The following ZNF362 variants were observed in gnomAD, a reference collection of about 807,000 sequenced individuals.
ZNF362 encodes rotund homolog.
In ZNF362, 11 loss-of-function variants were observed where a neutral mutation model predicts 42.9. The ratio of observed to expected loss-of-function variants is 0.26; its 90% CI spans 0.16 to 0.42. The LOEUF is 0.42. Among genes scored for constraint, ZNF362 ranks in the 20% least tolerant of loss-of-function variants. The probability of loss-of-function intolerance (pLI) is 1.00; values close to 1 mark genes in which losing one functional copy is unlikely to be tolerated. For missense variants in ZNF362, 362 were observed against 576.2 expected, an observed-to-expected ratio of 0.63 and a Z score of 3.81; for synonymous variants, 255 against 257.3, an observed-to-expected ratio of 0.99 and a Z score of 0.09.
chr1:33,238,381 T>TAAAATAAAAAAATAAAATAAAATAAATA, the ZNF362 span, among the ~76,000 whole-genome samples: 1 of 105,530 alleles, frequency 9.5e-6, no homozygotes, highest in Non-Finnish European at 2.0e-5. Flanking sequence ...TAAAATAAAA[T>TAAAATAAAAAAATAAAATAAAATAAATA]AAATAAAATA....
In ZNF362 at chr1:33,299,081, G is replaced by A. The variant is rs772021792; in HGVS notation, c.*35G>A. The A allele has an allele frequency of 1.1e-5, 17 of 1,556,042 alleles. No individual in the cohort carries two copies. The Admixed American group carries it at 2.7e-4, about 24-fold the overall frequency. ...AGGCGCCGCCCCACCCGGCCCACTG[G>A]CAGACACAGACCCAGGCAGCACCAG... On this transcript the variant is annotated 3_prime_UTR_variant, in exon 9 of 9. Coordinates refer to ENST00000539719, the MANE Select transcript of ZNF362 (RefSeq NM_152493.3).
At chr1:33,158,343 T>A in the ZNF362 span, 2 of 1,613,896 alleles carry the variant, frequency 1.2e-6, no homozygotes, top group South Asian at 2.2e-5. Context: ...TATGTGAGGT[T>A]GGTCTCATGG....
the ZNF362 span, among the ~76,000 whole-genome samples, chr1:33,188,495 A>G: frequency 6.6e-6 from 1 of 152,342 alleles, no homozygotes; most frequent in South Asian, 2.1e-4. Flanking sequence ...TTGTGGACAG[A>G]GAAGGCAAAT....
At chr1:33,259,358 T>TG (rs951605477) in intron 1 of ZNF362, among the ~76,000 whole-genome samples, 3 of 152,076 alleles carry the variant, frequency 2.0e-5, no homozygotes, top group African/African-American at 7.2e-5. Context: ...TCTGCAGTCT[T>TG]GGGGGGTGGA....
At chr1:33,181,045 C>A in the ZNF362 span, 33 of 1,517,984 alleles carry the variant, frequency 2.2e-5, no homozygotes, top group African/African-American at 2.8e-5. This position sits in a 1 kb window ranked among gnomAD's most constrained non-coding sequence, Gnocchi z 6.5. Flanking sequence ...TCGAAGGCGT[C>A]GTCGATGCCG....
At chr1:33,138,738 T>G in the ZNF362 span, among the ~76,000 whole-genome samples, 1 of 152,176 alleles carries the variant, frequency 6.6e-6, no homozygotes, top group African/African-American at 2.4e-5. Context: ...TTCCTTTGTG[T>G]CTTGTGTATT....
chr1:33,254,012 C>T (rs367684723), upstream of ZNF362, among the ~76,000 whole-genome samples: 82 of 152,060 alleles, frequency 5.4e-4, 1 homozygote, highest in African/African-American at 1.7e-3. Context: ...CTATTTGTTA[C>T]GATTTGTTAT....
At chr1:33,150,210 T>C in the ZNF362 span, among the ~76,000 whole-genome samples, 1 of 152,222 alleles carries the variant, frequency 6.6e-6, no homozygotes, top group Non-Finnish European at 1.5e-5. Context: ...TTGCCTCTGT[T>C]CCTTGGGGTC....
the ZNF362 span, among the ~76,000 whole-genome samples, chr1:33,198,621 C>T: frequency 1.3e-5 from 2 of 152,098 alleles, no homozygotes; most frequent in African/African-American, 4.8e-5. Flanking sequence ...GAACCATGAT[C>T]ATGCCACTAT....
upstream of ZNF362, among the ~76,000 whole-genome samples, chr1:33,256,143 G>A (rs1645787210): frequency 6.7e-6 from 1 of 149,800 alleles, no homozygotes; most frequent in Non-Finnish European, 1.5e-5. Flanking sequence ...CGGCGCGGGC[G>A]GGGGGCGCAG....
the ZNF362 span, among the ~76,000 whole-genome samples, chr1:33,213,982 T>G: frequency 6.6e-6 from 1 of 152,168 alleles, no homozygotes; most frequent in Admixed American, 6.5e-5. Flanking sequence ...TTCTAGATTT[T>G]AAGAGTGCAT....
At chr1:33,207,745 T>C in the ZNF362 span, among the ~76,000 whole-genome samples, 1 of 152,234 alleles carries the variant, frequency 6.6e-6, no homozygotes, top group Admixed American at 6.5e-5. Context: ...TGCATAAATG[T>C]CTTCTTTTAA....
In ZNF362 at chr1:33,266,271, G is replaced by A. The variant is rs950921144; in HGVS notation, c.-88-4216G>A. Among the ~76,000 whole-genome samples the A allele has an allele frequency of 1.6e-4, 25 of 152,248 alleles. No homozygotes were observed. Among genetic ancestry groups the A allele is most frequent in the African/African-American group, 4.8e-4 (20 of 41,542 alleles). On this transcript the variant is annotated intron_variant, in intron 1 of 8. Transcript: ENST00000539719. The surrounding 1 kb of genome is among the most constrained non-coding windows in gnomAD (Gnocchi z 4.3). ...TCCTGGCAAACTCGTCTGTCTTCAC[G>A]GCTCACATGGAAAGACCCCTCCTCA...
At chr1:33,199,693 A>G in the ZNF362 span, 14 of 152,232 alleles carry the variant, frequency 9.2e-5, no homozygotes, top group Non-Finnish European at 1.5e-4. Flanking sequence ...AGCAATAACA[A>G]TGCATTGTTA....
rs1254027033 is a variant in ZNF362, at chr1:33,300,277, C to T, written c.*1231C>T. The stretch of plus-strand genomic sequence containing the variant: ...ACTCGCCATTGATTTACCAGTTTAA[C>T]GTTTCCTGGGGTTTCTTTGCCCATG... On this transcript the variant is annotated 3_prime_UTR_variant, in exon 9 of 9. Coordinates refer to ENST00000539719, the MANE Select transcript of ZNF362 (RefSeq NM_152493.3). 2.0e-5 allele frequency: 3 copies of T among 152,676 alleles called. No individual in the cohort carries two copies. Among genetic ancestry groups the T allele is most frequent in the Admixed American group, 6.5e-5 (1 of 15,298 alleles). 9.5% of individuals were successfully genotyped at this position (152,676 alleles called of 1,614,324 possible). A position where few individuals can be genotyped will look rare whatever the true frequency, so the allele number is the denominator to read the frequency against.
At chr1:33,236,816 C>T in the ZNF362 span, among the ~76,000 whole-genome samples, 1 of 151,824 alleles carries the variant, frequency 6.6e-6, no homozygotes, top group Non-Finnish European at 1.5e-5. Context: ...CACAGTGGCT[C>T]ACACCTGTAA....
At chr1:33,128,640 C>T in the ZNF362 span, among the ~76,000 whole-genome samples, 1 of 152,274 alleles carries the variant, frequency 6.6e-6, no homozygotes, top group South Asian at 2.1e-4. Flanking sequence ...TTTAAAGCAT[C>T]AGATGTATTT....
At chr1:33,297,977 T>C (rs1328663551) in intron 8 of ZNF362, among the ~76,000 whole-genome samples, 1 of 152,124 alleles carries the variant, frequency 6.6e-6, no homozygotes, top group Non-Finnish European at 1.5e-5. Context: ...TTCCCTCTGG[T>C]ATTGGATAGC....
chr1:33,208,558 A>G, the ZNF362 span, among the ~76,000 whole-genome samples: 1 of 152,120 alleles, frequency 6.6e-6, no homozygotes, highest in South Asian at 2.1e-4. Context: ...TTTCCTATCC[A>G]TGAGCATGGA....
Sources: allele counts gnomAD v4.1 joint callset (sites outside exome capture counted in the v4.1 genomes callset), GRCh38; gene constraint gnomAD v4.1.1; non-coding constraint Gnocchi (gnomAD v3.1); transcripts MANE v1.5; gene names NCBI Gene and HGNC (gene_info 2026-07-23, HGNC 2026-07-21).